Variants in PHACTR2 observed in about 807,000 individuals in gnomAD.
The protein encoded by PHACTR2 is phosphatase and actin regulator 2, also known as chromosome 6 open reading frame 56.
Under a neutral mutation model 76.0 loss-of-function variants are expected in PHACTR2, and 30 were observed. That is an observed-to-expected ratio of 0.39 (90% confidence interval 0.30 to 0.54). The LOEUF is 0.54. Among genes scored for constraint, PHACTR2 ranks in the 20% least tolerant of loss-of-function variants. PHACTR2 has a pLI of 0.61. For synonymous variants in PHACTR2, 292 were observed against 292.5 expected (o/e 1.00, Z 0.02); for missense variants, 696 against 781.1 (o/e 0.89, Z 1.30).
In PHACTR2 at chr6:143,561,250, G is replaced by A. The variant is rs1300478646; in HGVS notation, c.217+24043G>A. On this transcript the variant is annotated intron_variant, in intron 1 of 11. Coordinates refer to the PHACTR2 transcript ENST00000367584. The surrounding 1 kb of genome is among the most constrained non-coding windows in gnomAD (Gnocchi z 4.1). ...TGAGCTCATTTCCCCTCCTCACCCT[G>A]TGATGACAGTCTTAGCACTCAAGAT... 2.6e-5 allele frequency: 4 copies of A among 152,308 alleles called. No homozygotes were observed. Among genetic ancestry groups the A allele is most frequent in the Non-Finnish European group, 4.4e-5 (3 of 68,128 alleles). 9.4% of individuals were successfully genotyped at this position (152,308 alleles called of 1,614,324 possible). A position where few individuals can be genotyped will look rare whatever the true frequency, so the allele number is the denominator to read the frequency against.
At chr6:143,559,843 T>TG (rs1187693528) in intron 1 of PHACTR2, among the ~76,000 whole-genome samples, 1 of 151,536 alleles carries the variant, frequency 6.6e-6, no homozygotes, top group Non-Finnish European at 1.5e-5. Flanking sequence ...CCCAAGTAGC[T>TG]GGGGTTACAG....
rs1775789933 is a variant in PHACTR2 at position 143,794,826 on chromosome 6, C to T, written c.1845+5916C>T. Among the ~76,000 whole-genome samples, 1 of 151,876 alleles carries T rather than the reference C, an allele frequency of 6.6e-6. No homozygotes were observed. The highest frequency in any genetic ancestry group is 1.5e-5 in the Non-Finnish European group (1 of 67,872). ...GAACCAAACCAAACAAACAAACAAA[C>T]AAAAAATGAGCTTCCTTTCAGCCTA... On this transcript the variant is annotated intron_variant, in intron 11 of 12. Transcript: ENST00000440869. The surrounding 1 kb of genome is among the most constrained non-coding windows in gnomAD (Gnocchi z 4.1).
intron 2 of PHACTR2, among the ~76,000 whole-genome samples, chr6:143,728,758 G>C (rs1407819032): frequency 2.6e-5 from 4 of 152,010 alleles, no homozygotes; most frequent in African/African-American, 9.7e-5. Context: ...TTCAATAAAT[G>C]GTGCTGGAAA....
chr6:143,691,566 T>A (rs6901574), intron 1 of PHACTR2, among the ~76,000 whole-genome samples: 2,816 of 152,314 alleles, frequency 0.018, 84 homozygotes, highest in African/African-American at 0.062. Flanking sequence ...CAACTAGGTT[T>A]GAAGTAAATA....
rs1776145068 is a variant in PHACTR2, at chr6:143,621,088, C to A, written c.13+12766C>A. Reference sequence around the variant, plus strand: ...ACAGTGCAAACCTCCAGGAAAAGAACAAGAGCAGGATCATTAAAGAAGCCT... The same window carrying A: ...ACAGTGCAAACCTCCAGGAAAAGAAAAAGAGCAGGATCATTAAAGAAGCCT... On this transcript the variant is annotated intron_variant, in intron 1 of 11. Coordinates refer to the PHACTR2 transcript ENST00000305766. The surrounding 1 kb of genome is among the most constrained non-coding windows in gnomAD (Gnocchi z 4.1). Among the ~76,000 whole-genome samples, 2 of 152,146 alleles carry A rather than the reference C, an allele frequency of 1.3e-5. No individual in the cohort carries two copies. The highest frequency in any genetic ancestry group is 1.3e-4 in the Admixed American group (2 of 15,268).
In PHACTR2 at chr6:143,578,664, G is replaced by T. The variant is rs1268098666; in HGVS notation, c.217+41457G>T. ...AGAGGATGAGGAGGAGGAGGAGGAG[G>T]AAGGAGAAGAGGAGGACATGAGTGC... On this transcript the variant is annotated intron_variant, in intron 1 of 11. Transcript: ENST00000367584. This position sits in a 1 kb window ranked among gnomAD's most constrained non-coding sequence, Gnocchi z 4.5. 6.6e-6 allele frequency among the ~76,000 whole-genome samples: 1 copy of T among 152,022 alleles called. No homozygotes were observed. The highest frequency in any genetic ancestry group is 1.5e-5 in the Non-Finnish European group (1 of 68,000).
intron 1 of PHACTR2, among the ~76,000 whole-genome samples, chr6:143,614,684 G>A (rs1398493933): frequency 6.6e-6 from 1 of 152,086 alleles, no homozygotes; most frequent in East Asian, 1.9e-4. Flanking sequence ...GTGCTTGATT[G>A]TTTAGAAATT....
In PHACTR2 at chr6:143,827,115, C is replaced by A. The variant is rs536764009; in HGVS notation, c.*3426C>A. 1 of 133,216 alleles carries A rather than the reference C, an allele frequency of 7.5e-6. No individual in the cohort carries two copies. The highest frequency in any genetic ancestry group is 2.8e-5 in the African/African-American group (1 of 35,780). 8.3% of individuals were successfully genotyped at this position (133,216 alleles called of 1,614,324 possible). A position where few individuals can be genotyped will look rare whatever the true frequency, so the allele number is the denominator to read the frequency against. Reference sequence around the variant, plus strand: ...AGTCAAAAAAGGTCCAGTTTTACAGCCTGCAATTAATTCAGGGCTGCGTTG... The same window carrying A: ...AGTCAAAAAAGGTCCAGTTTTACAGACTGCAATTAATTCAGGGCTGCGTTG... On this transcript the variant is annotated 3_prime_UTR_variant, in exon 13 of 13. Transcript: ENST00000440869.
At chr6:143,744,870 T>C (rs931163880) in intron 2 of PHACTR2, among the ~76,000 whole-genome samples, 2 of 152,198 alleles carry the variant, frequency 1.3e-5, no homozygotes, top group Non-Finnish European at 2.9e-5. Flanking sequence ...TGCGCTGCTG[T>C]TATCAGAATT....
chr6:143,648,295 C>T lies in PHACTR2; in HGVS notation c.13+39973C>T, dbSNP rs997790160. Among the ~76,000 whole-genome samples, 1 of 152,162 alleles carries T rather than the reference C, an allele frequency of 6.6e-6. No homozygotes were observed. The highest frequency in any genetic ancestry group is 6.5e-5 in the Admixed American group (1 of 15,282). On this transcript the variant is annotated intron_variant, in intron 1 of 11. Coordinates refer to the PHACTR2 transcript ENST00000305766. This position sits in a 1 kb window ranked among gnomAD's most constrained non-coding sequence, Gnocchi z 6.7. The stretch of plus-strand genomic sequence containing the variant: ...AAGTTTTGAGATAAAAATATTGCAG[C>T]CCATCTGCATTTCCCTGGGAGCTCA...
At chr6:143,719,251 T>C (rs1264065604) in intron 2 of PHACTR2, among the ~76,000 whole-genome samples, 1 of 149,212 alleles carries the variant, frequency 6.7e-6, no homozygotes, top group Admixed American at 6.7e-5. Context: ...CTTTCCTTTT[T>C]CCTAATTTAC....
intron 1 of PHACTR2, chr6:143,555,058 A>G (rs371319386): frequency 1.3e-5 from 2 of 152,130 alleles, no homozygotes; most frequent in Admixed American, 6.5e-5. Context: ...GTGTTTCCAT[A>G]CACATACGGA....
chr6:143,804,611 A>G (rs1776026976), intron 11 of PHACTR2, among the ~76,000 whole-genome samples: 2 of 152,208 alleles, frequency 1.3e-5, no homozygotes, highest in South Asian at 2.1e-4. Flanking sequence ...TATAAATTGT[A>G]TCAATATGAT....
intron 1 of PHACTR2, among the ~76,000 whole-genome samples, chr6:143,563,561 A>AAACAAAC (rs1237343036): frequency 3.6e-4 from 53 of 148,102 alleles, no homozygotes; most frequent in Non-Finnish European, 7.3e-4. Context: ...CAAAAAAAAA[A>AAACAAAC]AAAAAAAAAA....
In PHACTR2 at chr6:143,739,107, G is replaced by T. The variant is rs756483893; in HGVS notation, c.215-9878G>T. Among the ~76,000 whole-genome samples the T allele has an allele frequency of 1.2e-4, 18 of 151,914 alleles. No homozygotes were observed. The highest frequency in any genetic ancestry group is 4.3e-4 in the African/African-American group (18 of 41,448). ...TTGAGACGGAGTCTCTCTCTGTCCC[G>T]AGGCTGGAGTGCAGTGGCACGGTTT... is the stretch of plus-strand genomic sequence containing the variant. On this transcript the variant is annotated intron_variant, in intron 2 of 12. Coordinates refer to ENST00000440869, the MANE Select transcript of PHACTR2 (RefSeq NM_001100164.2). The surrounding 1 kb of genome is among the most constrained non-coding windows in gnomAD (Gnocchi z 4.3).
chr6:143,774,235 G>A lies in PHACTR2; in HGVS notation c.1589+20G>A. On this transcript the variant is annotated intron_variant, in intron 8 of 12. Transcript: ENST00000440869. The surrounding 1 kb of genome is among the most constrained non-coding windows in gnomAD (Gnocchi z 5.4). ...AGTCAGGTAATTGCTAACATTTTAGGACAGTACTGACTAATTTGTATTTTT... is the reference window on the plus strand; with the variant it reads ...AGTCAGGTAATTGCTAACATTTTAGAACAGTACTGACTAATTTGTATTTTT... The A allele has an allele frequency of 6.2e-7, 1 of 1,603,402 alleles. No individual in the cohort carries two copies. Among genetic ancestry groups the A allele is most frequent in the South Asian group, 1.1e-5 (1 of 90,554 alleles).
intron 1 of PHACTR2, among the ~76,000 whole-genome samples, chr6:143,711,695 T>C (rs1026926795): frequency 6.6e-6 from 1 of 152,222 alleles, no homozygotes; most frequent in Non-Finnish European, 1.5e-5. Context: ...ACTCTATTCC[T>C]GTACAAAATA....
intron 1 of PHACTR2, among the ~76,000 whole-genome samples, chr6:143,584,359 C>T (rs1215621852): frequency 2.0e-5 from 3 of 152,194 alleles, no homozygotes; most frequent in Non-Finnish European, 4.4e-5. Flanking sequence ...ACTGTACAGA[C>T]AGGATTGGGC....
At chr6:143,577,903 A>G (rs1217689827) in intron 1 of PHACTR2, among the ~76,000 whole-genome samples, 1 of 152,230 alleles carries the variant, frequency 6.6e-6, no homozygotes, top group Non-Finnish European at 1.5e-5. Context: ...AGCGAGAGGT[A>G]TGGTAAGAGA....
Sources: gnomAD v4.1 joint callset for allele counts (sites outside exome capture counted in the v4.1 genomes callset) on GRCh38, gnomAD v4.1.1 for gene constraint, Gnocchi (gnomAD v3.1) non-coding constraint, MANE v1.5 for transcripts, NCBI Gene and HGNC (gene_info 2026-07-23, HGNC 2026-07-21) for gene names.